Variants in ADGRL3 observed in about 807,000 individuals in gnomAD.
ADGRL3 encodes calcium-independent alpha-latrotoxin receptor 3.
A neutral mutation model predicts 153.5 loss-of-function variants in ADGRL3; 62 were observed. The ratio of observed to expected loss-of-function variants is 0.40; its 90% CI spans 0.33 to 0.50. The LOEUF (loss-of-function observed/expected upper bound fraction) is 0.50. Ranked by LOEUF, ADGRL3 falls within the 20% of genes least tolerant of loss-of-function variation. The pLI, the probability that ADGRL3 is intolerant of heterozygous loss-of-function variation, is 0.47. For missense variants in ADGRL3, 1,641 were observed against 1,859.4 expected (o/e 0.88, Z 2.16); for synonymous variants, 710 against 672.5 (o/e 1.06, Z -0.86).
chr4:61,708,752 A>G (rs1046459934), intron 6 of ADGRL3, among the ~76,000 whole-genome samples: 1 of 152,126 alleles, frequency 6.6e-6, no homozygotes, highest in Non-Finnish European at 1.5e-5. Flanking sequence ...AAATAGATCA[A>G]AGTTGAAAGG....
At chr4:62,064,796 A>G (rs1016067309) in intron 25 of ADGRL3, among the ~76,000 whole-genome samples, 3 of 152,072 alleles carry the variant, frequency 2.0e-5, no homozygotes, top group Non-Finnish European at 4.4e-5. Context: ...GTCTAAAACC[A>G]TCTGAGCTTC....
Position 61,759,926 on chromosome 4 carries a change from C to T in ADGRL3, c.1399+26372C>T, listed in dbSNP as rs961070013. 5.3e-5 allele frequency among the ~76,000 whole-genome samples: 8 copies of T among 152,216 alleles called. No homozygotes were observed. The South Asian group carries it at 8.3e-4, about 16-fold the overall frequency. Reference sequence around the variant, plus strand: ...CAGCTGCAGGTCTGTTGGAGTTTGCCGGAGGTCTGCTCCAGACCCTGTTTG... The same window carrying T: ...CAGCTGCAGGTCTGTTGGAGTTTGCTGGAGGTCTGCTCCAGACCCTGTTTG... On this transcript the variant is annotated intron_variant, in intron 8 of 26. Coordinates refer to ENST00000683033, the MANE Select transcript of ADGRL3 (RefSeq NM_001387552.1).
At chr4:61,770,660 T>A (rs6814842) in intron 8 of ADGRL3, among the ~76,000 whole-genome samples, 2 of 152,180 alleles carry the variant, frequency 1.3e-5, no homozygotes, top group African/African-American at 4.8e-5. Context: ...TTTCTGTTTG[T>A]ATAGACTCAA....
At chr4:61,723,173 C>A (rs2096269270) in intron 6 of ADGRL3, among the ~76,000 whole-genome samples, 1 of 152,076 alleles carries the variant, frequency 6.6e-6, no homozygotes, top group Non-Finnish European at 1.5e-5. Flanking sequence ...ACACAGATTT[C>A]TTTGACAGCA....
chr4:61,781,188 C>G (rs1412153728), intron 8 of ADGRL3, among the ~76,000 whole-genome samples: 1 of 151,694 alleles, frequency 6.6e-6, no homozygotes, highest in Non-Finnish European at 1.5e-5. Context: ...TAGCCAGGCA[C>G]AGTGGTGCAT....
chr4:61,867,370 C>T (rs1477773779), intron 9 of ADGRL3, among the ~76,000 whole-genome samples: 1 of 151,140 alleles, frequency 6.6e-6, no homozygotes, highest in Non-Finnish European at 1.5e-5. Flanking sequence ...GTGGTGGGCT[C>T]ATGCCTGTAG....
At chr4:61,837,894 A>G (rs965436574) in intron 9 of ADGRL3, among the ~76,000 whole-genome samples, 6 of 152,116 alleles carry the variant, frequency 3.9e-5, no homozygotes, top group Non-Finnish European at 8.8e-5. Flanking sequence ...CTGGCATTGC[A>G]TGATCATTTT....
At chr4:61,557,207 C>T (rs912705307) in intron 4 of ADGRL3, among the ~76,000 whole-genome samples, 2 of 151,888 alleles carry the variant, frequency 1.3e-5, no homozygotes, top group Non-Finnish European at 2.9e-5. Context: ...TGATTATGGC[C>T]TAAATTAAGG....
intron 2 of ADGRL3, among the ~76,000 whole-genome samples, chr4:61,452,653 A>T (rs1174500736): frequency 6.6e-6 from 1 of 152,102 alleles, no homozygotes; most frequent in Non-Finnish European, 1.5e-5. Flanking sequence ...ATATAAGTCG[A>T]ATCCTCTATT....
At chr4:61,893,178 C>T (rs7437716) in intron 10 of ADGRL3, among the ~76,000 whole-genome samples, 34,439 of 149,228 alleles carry the variant, frequency 0.23, 4,684 homozygotes, top group East Asian at 0.45. Context: ...TTCATTACAA[C>T]ATATTTTATT....
chr4:61,827,222 T>C (rs1050937471), intron 9 of ADGRL3, among the ~76,000 whole-genome samples: 1 of 152,188 alleles, frequency 6.6e-6, no homozygotes, highest in Non-Finnish European at 1.5e-5. Flanking sequence ...AAAGACCGCA[T>C]TTGCTGTGCC....
At position 61,714,165 on chromosome 4, in the gene ADGRL3, CA is replaced by C. The variant is rs149805173; in HGVS notation, c.584-16448del. Among the ~76,000 whole-genome samples the C allele has an allele frequency of 4.7e-3, 699 of 149,474 alleles. 2 individuals are homozygous for C. The highest frequency in any genetic ancestry group is 0.01 in the South Asian group (49 of 4,718). On this transcript the variant is annotated intron_variant, in intron 6 of 26. Coordinates refer to ENST00000683033, the MANE Select transcript of ADGRL3 (RefSeq NM_001387552.1). The stretch of plus-strand genomic sequence containing the variant: ...TAGTAATGTTGTAGCAGTAAACAAA[CA>C]AAAAAAAAGTTCTTTTGTTGTTGGA...
intron 19 of ADGRL3, 54 bp from the exon 20 acceptor site, chr4:61,996,237 G>A (rs1385885014): frequency 8.0e-6 from 9 of 1,124,912 alleles, no homozygotes; most frequent in African/African-American, 1.5e-5. Context: ...CACTCTTGAT[G>A]TATGTCCCAT....
chr4:61,579,517 T>A, intron 4 of ADGRL3: 1 of 474,152 alleles, frequency 2.1e-6, no homozygotes, highest in Non-Finnish European at 4.1e-6. Flanking sequence ...TTCACACACT[T>A]GCTGCTTTTT....
Position 61,935,004 on chromosome 4 carries a change from G to A in ADGRL3, c.2277G>A (p.Arg759=). The A allele has an allele frequency of 1.2e-6, 2 of 1,613,622 alleles. No individual in the cohort carries two copies. Among genetic ancestry groups the A allele is most frequent in the Non-Finnish European group, 1.7e-6 (2 of 1,179,704 alleles). Residue 759 remains arginine (R), a synonymous_variant, in exon 14 of 27, where the codon AGG becomes AGA. Coordinates refer to ENST00000683033, the MANE Select transcript of ADGRL3 (RefSeq NM_001387552.1). ...ADNLLKTDIV[R]ENTDNIKLEV... ...ACCTTTTGAAGACTGACATTGTCAGGGAGAATACAGACAATATTAGTAAGT... is the reference window on the plus strand; with the variant it reads ...ACCTTTTGAAGACTGACATTGTCAGAGAGAATACAGACAATATTAGTAAGT...
intron 8 of ADGRL3, among the ~76,000 whole-genome samples, chr4:61,801,539 T>C (rs1295566023): frequency 6.6e-6 from 1 of 152,122 alleles, no homozygotes; most frequent in African/African-American, 2.4e-5. Flanking sequence ...CATTGCTTCT[T>C]TGAAACCATA....
At chr4:61,950,450 G>A (rs2098942687) in intron 17 of ADGRL3, among the ~76,000 whole-genome samples, 1 of 152,128 alleles carries the variant, frequency 6.6e-6, no homozygotes, top group Admixed American at 6.5e-5. Flanking sequence ...AACAGCAGGA[G>A]CGAAAACATA....
chr4:62,028,931 A>G (rs1010078508), intron 22 of ADGRL3, 50 bp downstream of exon 22: 3 of 1,524,232 alleles, frequency 2.0e-6, no homozygotes, highest in Middle Eastern at 1.7e-4. Context: ...GTGTGGTCCC[A>G]TGAACCAGCT....
chr4:61,380,555 ATTAAT>A (rs1303491025), intron 1 of ADGRL3, among the ~76,000 whole-genome samples: 1 of 151,998 alleles, frequency 6.6e-6, no homozygotes, highest in Non-Finnish European at 1.5e-5. Flanking sequence ...TAAAGCAAAA[ATTAAT>A]TTAACTTTTA....
Sources: allele counts gnomAD v4.1 joint callset (sites outside exome capture counted in the v4.1 genomes callset), GRCh38; gene constraint gnomAD v4.1.1; transcripts MANE v1.5; gene names NCBI Gene and HGNC (gene_info 2026-07-23, HGNC 2026-07-21).